ZNF597: variants seen among roughly 807,000 people sequenced by gnomAD.
ZNF597 encodes zinc finger protein 597.
ZNF597 carries 5 observed loss-of-function variants against 7.3 expected under a neutral mutation model. The observed-to-expected ratio is 0.68, with a 90% CI of 0.36 to 1.44. ZNF597 has a LOEUF of 1.44. Ranked by LOEUF, ZNF597 falls within the 40% of genes most tolerant of loss-of-function variation. The pLI is 0.04. For synonymous variants in ZNF597, 209 were observed against 185.4 expected (o/e 1.13, Z -1.04); for missense variants, 585 against 517.9 (o/e 1.13, Z -1.26).
At chr16:3,441,676 A>T (rs1020622360) in intron 2 of ZNF597, among the ~76,000 whole-genome samples, 1 of 151,756 alleles carries the variant, frequency 6.6e-6, no homozygotes, top group Non-Finnish European at 1.5e-5. Flanking sequence ...ACAAGAGTAA[A>T]ACTCCGTCTC....
At chr16:3,441,096 G>C (rs940587106) in intron 2 of ZNF597, among the ~76,000 whole-genome samples, 163 bp from the exon 3 acceptor site, 1 of 152,224 alleles carries the variant, frequency 6.6e-6, no homozygotes, top group East Asian at 1.9e-4. Context: ...CTAAGGGGTG[G>C]GGTGAGGGTT....
Position 3,434,208 on chromosome 16 carries a change from C to T in ZNF597, c.*2216G>A, listed in dbSNP as rs1168043574. Reference sequence around the variant, plus strand: ...CTGCAGCAACTCTGCTAATCCAGACCTTTCCCAATTTCATCCCCCATCCTG... The same window carrying T: ...CTGCAGCAACTCTGCTAATCCAGACTTTTCCCAATTTCATCCCCCATCCTG... On this transcript the variant is annotated 3_prime_UTR_variant, in exon 4 of 4. Transcript: ENST00000301744. 1 of 152,232 alleles carries T rather than the reference C, an allele frequency of 6.6e-6. No homozygotes were observed. The highest frequency in any genetic ancestry group is 1.5e-5 in the Non-Finnish European group (1 of 68,066). The allele number at this position is 152,232 out of a possible 1,614,324, so 9.4% of individuals were successfully genotyped here.
rs140287445 is a variant in ZNF597, at chr16:3,438,216, T to TAAA, written c.161-681_161-679dup. 3.3e-3 allele frequency among the ~76,000 whole-genome samples: 449 copies of TAAA among 137,016 alleles called. 3 individuals carry two copies. The highest frequency in any genetic ancestry group is 5.1e-3 in the East Asian group (24 of 4,710). 89.9% of individuals were successfully genotyped at this position (137,016 alleles called of 152,430 possible). On this transcript the variant is annotated intron_variant, in intron 3 of 3. Coordinates refer to ENST00000301744, the MANE Select transcript of ZNF597 (RefSeq NM_152457.3). ...GGTGACAGAGCCAGAACTTGTTTCTTAAAAAAAAAAAAAAAAGATGACAGC... is the reference window on the plus strand; with the variant it reads ...GGTGACAGAGCCAGAACTTGTTTCTTAAAAAAAAAAAAAAAAAAAGATGACAGC...
chr16:3,443,286 C>T lies in ZNF597; in HGVS notation c.-54+74G>A, dbSNP rs974756286. On this transcript the variant is annotated intron_variant, in intron 1 of 3. Transcript: ENST00000301744. ...CACTACCCCTAGCCTCCCTCGATTC[C>T]CTCCGAACCCCCCCTTAAAAACCTA... The T allele has an allele frequency of 5.7e-6, 5 of 870,932 alleles. No individual in the cohort carries two copies. In the African/African-American group the frequency reaches 6.9e-5, roughly 12 times the overall value. 54.0% of individuals were successfully genotyped at this position (870,932 alleles called of 1,614,324 possible).
chr16:3,443,059 AG>A, intron 2 of ZNF597, 61 bp downstream of exon 2: 1 of 1,599,580 alleles, frequency 6.3e-7, no homozygotes, highest in Admixed American at 1.7e-5. Flanking sequence ...CCTCCAAAGG[AG>A]GGGGTCAGGC....
intron 3 of ZNF597, among the ~76,000 whole-genome samples, chr16:3,440,268 G>C (rs1030972746): frequency 1.3e-5 from 2 of 152,222 alleles, no homozygotes; most frequent in African/African-American, 4.8e-5. Context: ...ACAAATGTTT[G>C]TGAAAGATTA....
intron 3 of ZNF597, 97 bp downstream of exon 3, chr16:3,440,710 C>T: frequency 6.9e-7 from 1 of 1,456,080 alleles, no homozygotes; most frequent in South Asian, 1.3e-5. Flanking sequence ...TACTGAGGGA[C>T]AGGTCCCACT....
At position 3,436,620 on chromosome 16, in the gene ZNF597, T is replaced by C. The variant is rs1305713434; in HGVS notation, c.1079A>G (p.Gln360Arg). The part of the protein sequence containing the change: ...FPCFSELISH[Q>R]NIHTEERPHK... ...GGGCCTTTCCTCTGTATGAATGTTC[T>C]GATGGGAAATAAGCTCAGAGAAACA... Residue 360 changes from glutamine to arginine, a missense_variant, in exon 4 of 4, where the codon CAG (glutamine) becomes CGG (arginine). Gln to Arg is a conservative substitution (Grantham distance 43). Coordinates refer to ENST00000301744, the MANE Select transcript of ZNF597 (RefSeq NM_152457.3). 3 of 1,605,670 alleles carry C rather than the reference T, an allele frequency of 1.9e-6. No individual in the cohort carries two copies. Among genetic ancestry groups the C allele is most frequent in the Non-Finnish European group, 2.6e-6 (3 of 1,175,446 alleles).
Position 3,434,529 on chromosome 16 carries a change from T to A in ZNF597, c.*1895A>T, listed in dbSNP as rs1012701809. On this transcript the variant is annotated 3_prime_UTR_variant, in exon 4 of 4. Coordinates refer to ENST00000301744, the MANE Select transcript of ZNF597 (RefSeq NM_152457.3). Reference sequence around the variant, plus strand: ...CCTTGACATACAGAGCAGCACATTGTCTCAACTGTGGATCTGCAAACAAGA... The same window carrying A: ...CCTTGACATACAGAGCAGCACATTGACTCAACTGTGGATCTGCAAACAAGA... The A allele has an allele frequency of 3.3e-5, 5 of 152,160 alleles. No individual in the cohort carries two copies. The highest frequency in any genetic ancestry group is 1.2e-4 in the African/African-American group (5 of 41,418). The allele number at this position is 152,160 out of a possible 1,614,324, so 9.4% of individuals were successfully genotyped here. A position where few individuals can be genotyped will look rare whatever the true frequency, so the allele number is the denominator to read the frequency against.
chr16:3,437,547 A>G lies in ZNF597; in HGVS notation c.161-9T>C. 1 of 1,577,140 alleles carries G rather than the reference A, an allele frequency of 6.3e-7. No homozygotes were observed. Among genetic ancestry groups the G allele is most frequent in the Non-Finnish European group, 8.6e-7 (1 of 1,166,208 alleles). On this transcript the variant is annotated splice_polypyrimidine_tract_variant and intron_variant, in intron 3 of 3. Coordinates refer to ENST00000301744, the MANE Select transcript of ZNF597 (RefSeq NM_152457.3). ...AGGCTTGCCTTCCTCTCCTGTTGAT[A>G]AAAACAAAAGAAAGCAAAACATAGA... is the stretch of plus-strand genomic sequence containing the variant.
In ZNF597 at chr16:3,443,492, T is replaced by G; in HGVS notation, c.-186A>C. 1 of 516,096 alleles carries G rather than the reference T, an allele frequency of 1.9e-6. No homozygotes were observed. The highest frequency in any genetic ancestry group is 3.3e-5 in the East Asian group (1 of 30,162). The allele number at this position is 516,096 out of a possible 1,614,324, so 32.0% of individuals were successfully genotyped here. On this transcript the variant is annotated 5_prime_UTR_variant, in exon 1 of 4. Coordinates refer to ENST00000301744, the MANE Select transcript of ZNF597 (RefSeq NM_152457.3). ...CTCTCATGCTCCTTTACGCAGGAGC[T>G]GCGGGAAAAGCCGCCGGAAGCGACC...
In ZNF597 at chr16:3,436,336, C is replaced by T. The variant is rs1156982026; in HGVS notation, c.*88G>A. ...ATGGGAATGTGTGTAAAGTGCTTAG[C>T]ACATTGCCTGGGACATATACAGTAA... On this transcript the variant is annotated 3_prime_UTR_variant, in exon 4 of 4. Coordinates refer to ENST00000301744, the MANE Select transcript of ZNF597 (RefSeq NM_152457.3). The T allele has an allele frequency of 6.3e-6, 8 of 1,268,214 alleles. No individual in the cohort carries two copies. Among genetic ancestry groups the T allele is most frequent in the Non-Finnish European group, 7.6e-6 (7 of 917,174 alleles). 78.6% of individuals were successfully genotyped at this position (1,268,214 alleles called of 1,614,324 possible).
At chr16:3,439,718 A>G (rs1383440981) in intron 3 of ZNF597, among the ~76,000 whole-genome samples, 1 of 152,180 alleles carries the variant, frequency 6.6e-6, no homozygotes, top group Non-Finnish European at 1.5e-5. Flanking sequence ...TAAAAATACA[A>G]CGAAATCCCG....
rs2034290714 is a variant in ZNF597, at chr16:3,435,465, A to G, written c.*959T>C. The G allele has an allele frequency of 6.6e-6, 1 of 152,208 alleles. No individual in the cohort carries two copies. The highest frequency in any genetic ancestry group is 1.5e-5 in the Non-Finnish European group (1 of 68,044). The allele number at this position is 152,208 out of a possible 1,614,324, so 9.4% of individuals were successfully genotyped here. On this transcript the variant is annotated 3_prime_UTR_variant, in exon 4 of 4. Coordinates refer to ENST00000301744, the MANE Select transcript of ZNF597 (RefSeq NM_152457.3). ...ATGGCCTTTGGAGTCAGAGAAACCCAAGCTTAATGTCAGTTTCACCACAAT... is the reference window on the plus strand; with the variant it reads ...ATGGCCTTTGGAGTCAGAGAAACCCGAGCTTAATGTCAGTTTCACCACAAT...
In ZNF597 at chr16:3,440,744, A is replaced by G. The variant is rs191469064; in HGVS notation, c.160+63T>C. On this transcript the variant is annotated intron_variant, in intron 3 of 3. Transcript: ENST00000301744. ...CTCCACCATACCAACATCTGGATAAAGCATGAAGTTCTCCTCCTAGAATTG... is the reference window on the plus strand; with the variant it reads ...CTCCACCATACCAACATCTGGATAAGGCATGAAGTTCTCCTCCTAGAATTG... 20 of 1,597,340 alleles carry G rather than the reference A, an allele frequency of 1.3e-5. No individual in the cohort carries two copies. The East Asian group carries it at 4.5e-4, about 36-fold the overall frequency.
intron 2 of ZNF597, among the ~76,000 whole-genome samples, chr16:3,442,523 A>G (rs1192275035): frequency 6.6e-6 from 1 of 152,052 alleles, no homozygotes; most frequent in Non-Finnish European, 1.5e-5. Context: ...AAAATACAAA[A>G]AATTAGCAGG....
rs1443745584 is a variant in ZNF597, at chr16:3,436,373, C to T, written c.*51G>A. On this transcript the variant is annotated 3_prime_UTR_variant, in exon 4 of 4. Transcript: ENST00000301744. ...GACATATACAGTAACTGCTTCCCAC[C>T]ATACAGATACTGAAAAGCCCAATCA... is the stretch of plus-strand genomic sequence containing the variant. 1.3e-6 allele frequency: 2 copies of T among 1,548,890 alleles called. No homozygotes were observed. Among genetic ancestry groups the T allele is most frequent in the Admixed American group, 3.6e-5 (2 of 56,310 alleles).
chr16:3,441,977 C>CAAAAAAAAAA (rs57118709), intron 2 of ZNF597, among the ~76,000 whole-genome samples: 1 of 91,490 alleles, frequency 1.1e-5, no homozygotes. Flanking sequence ...GAGACTGTCT[C>CAAAAAAAAAA]AAAAAAAAAA....
chr16:3,437,520 T>G lies in ZNF597; in HGVS notation c.179A>C (p.Glu60Ala), dbSNP rs148604668. The change falls in exon 4 of 4, where the codon GAG (glutamate) becomes GCG (alanine). Residue 60 changes from glutamate (E) to alanine (A), a missense_variant. Physicochemically the swap from Glu to Ala is moderately radical, Grantham distance 107. Coordinates refer to ENST00000301744, the MANE Select transcript of ZNF597 (RefSeq NM_152457.3). Reference sequence around the variant, plus strand: ...CTCTAGGCTTAACTGCTGATTAATCTCAGGCTTGCCTTCCTCTCCTGTTGA... The same window carrying G: ...CTCTAGGCTTAACTGCTGATTAATCGCAGGCTTGCCTTCCTCTCCTGTTGA... ...AALMGEEGKPEINQQLSLESM... is the reference protein window; with the variant it reads ...AALMGEEGKPAINQQLSLESM... The G allele has an allele frequency of 6.3e-7, 1 of 1,599,692 alleles. No homozygotes were observed. Among genetic ancestry groups the G allele is most frequent in the Non-Finnish European group, 8.5e-7 (1 of 1,174,714 alleles).
Sources: gnomAD v4.1 joint callset for allele counts (sites outside exome capture counted in the v4.1 genomes callset) on GRCh38, gnomAD v4.1.1 for gene constraint, MANE v1.5 for transcripts, NCBI Gene and HGNC (gene_info 2026-07-23, HGNC 2026-07-21) for gene names.